The following MED25 variants were observed in gnomAD, a reference collection of about 807,000 sequenced individuals.
MED25 encodes the protein mediator complex subunit 25, also known as mediator of RNA polymerase II transcription subunit 25.
MED25 carries 62 observed loss-of-function variants against 89.4 expected under a neutral mutation model. The ratio of observed to expected loss-of-function variants is 0.69; its 90% CI spans 0.57 to 0.86. The LOEUF (loss-of-function observed/expected upper bound fraction) is 0.86. MED25 is among the 40% of genes least tolerant of loss of function. MED25 has a pLI of 0.00. For synonymous variants in MED25, 449 were observed against 427.9 expected, an observed-to-expected ratio of 1.05 and a Z score of -0.61; for missense variants, 905 against 1,005.2, an observed-to-expected ratio of 0.90 and a Z score of 1.35.
At chr19:49,825,953 G>A (rs1910593811) in intron 3 of MED25, among the ~76,000 whole-genome samples, 1 of 152,068 alleles carries the variant, frequency 6.6e-6, no homozygotes, top group Non-Finnish European at 1.5e-5. Flanking sequence ...AAAGGCCCAG[G>A]AAAATATTGG....
Position 49,831,280 on chromosome 19 carries a change from G to C in MED25, c.1102-53G>C. 6.3e-7 allele frequency: 1 copy of C among 1,584,422 alleles called. No individual in the cohort carries two copies. Among genetic ancestry groups the C allele is most frequent in the Non-Finnish European group, 8.6e-7 (1 of 1,167,154 alleles). ...GGTTTGCCCTCACAGGATGGCCCCC[G>C]GAGGCTCCCGGCCTTCCCCATTCTC... On this transcript the variant is annotated intron_variant, in intron 9 of 17. Transcript: ENST00000312865. This position sits in a 1 kb window ranked among gnomAD's most constrained non-coding sequence, Gnocchi z 5.0.
chr19:49,839,012 G>A (rs753295073), downstream of MED25: 17 of 337,724 alleles, frequency 5.0e-5, no homozygotes, highest in Non-Finnish European at 9.9e-5. Context: ...ACGGGCATTT[G>A]CGTTGCACAG....
intron 3 of MED25, among the ~76,000 whole-genome samples, chr19:49,823,512 G>C (rs2073997051): frequency 6.6e-6 from 1 of 151,708 alleles, no homozygotes; most frequent in African/African-American, 2.4e-5. Flanking sequence ...TTTGCAAATG[G>C]ATAATGGTCG....
downstream of MED25, chr19:49,838,554 T>C (rs1394448169): frequency 2.2e-6 from 1 of 457,178 alleles, no homozygotes. Context: ...GTGAAATCTT[T>C]CTTGTACCCA....
Position 49,832,433 on chromosome 19 carries a change from G to A in MED25, c.1482+18G>A, listed in dbSNP as rs752948397. On this transcript the variant is annotated intron_variant, in intron 13 of 17. Transcript: ENST00000312865. ...ACGGCTTCGTGAGTCCAGGGCATGG[G>A]GGGCCGAGGGGTGTTGACTCTTGTC... is the stretch of plus-strand genomic sequence containing the variant. 2.9e-6 allele frequency: 4 copies of A among 1,378,932 alleles called. No individual in the cohort carries two copies. The Admixed American group carries it at 5.2e-5, about 18-fold the overall frequency. The allele number at this position is 1,378,932 out of a possible 1,614,324, so 85.4% of individuals were successfully genotyped here. A position where few individuals can be genotyped will look rare whatever the true frequency, so the allele number is the denominator to read the frequency against.
In MED25 at chr19:49,828,549, T is replaced by G; in HGVS notation, c.404+2T>G. 1 of 1,611,046 alleles carries G rather than the reference T, an allele frequency of 6.2e-7. No homozygotes were observed. The highest frequency in any genetic ancestry group is 8.5e-7 in the Non-Finnish European group (1 of 1,177,234). ...CTTCAAGAAGATGCGCGAGCAGATG[T>G]GAGTGCCCCCTCCACCCAGGCCGGG... is the stretch of plus-strand genomic sequence containing the variant. On this transcript the variant is annotated splice_donor_variant, in intron 4 of 17. Coordinates refer to ENST00000312865, the MANE Select transcript of MED25 (RefSeq NM_030973.4). LOFTEE classifies it high-confidence loss of function.
Position 49,830,254 on chromosome 19 carries a change from G to T in MED25, c.819+36G>T, listed in dbSNP as rs1233917186. 3.1e-6 allele frequency: 5 copies of T among 1,600,656 alleles called. No individual in the cohort carries two copies. Among genetic ancestry groups the T allele is most frequent in the Non-Finnish European group, 4.3e-6 (5 of 1,172,976 alleles). On this transcript the variant is annotated intron_variant, in intron 7 of 17. Coordinates refer to ENST00000312865, the MANE Select transcript of MED25 (RefSeq NM_030973.4). The surrounding 1 kb of genome is among the most constrained non-coding windows in gnomAD (Gnocchi z 4.6). ...TTCCGGGAAGGGACATGCTTCTGGG[G>T]ACTTGCTGGAGCCCTGGCCCCTGGG...
At chr19:49,827,267 G>A (rs1030030365) in intron 3 of MED25, among the ~76,000 whole-genome samples, 1 of 152,204 alleles carries the variant, frequency 6.6e-6, no homozygotes, top group Non-Finnish European at 1.5e-5. Flanking sequence ...CATGTGGGAC[G>A]GATGCTGCGA....
chr19:49,822,640 C>CT (rs536060694), intron 3 of MED25, among the ~76,000 whole-genome samples: 2,492 of 68,254 alleles, frequency 0.037, 118 homozygotes, highest in East Asian at 0.14. Context: ...CTGTTACATT[C>CT]TTTTTTTTTT....
chr19:49,826,654 C>T (rs2074017763), intron 3 of MED25, among the ~76,000 whole-genome samples: 1 of 152,206 alleles, frequency 6.6e-6, no homozygotes, highest in African/African-American at 2.4e-5. Context: ...AGAAGCTTGA[C>T]AGCTGCAGTA....
chr19:49,840,360 T>C (rs1172066070), downstream of MED25: 1 of 152,214 alleles, frequency 6.6e-6, no homozygotes, highest in Non-Finnish European at 1.5e-5. Context: ...TCACCATAGT[T>C]GAGTAAAGAT....
chr19:49,821,865 A>G (rs2123866370), intron 3 of MED25, among the ~76,000 whole-genome samples: 1 of 149,754 alleles, frequency 6.7e-6, no homozygotes, highest in East Asian at 2.0e-4. Flanking sequence ...ACGGTGGCTC[A>G]TCCCTGTAAT....
rs373971747 is a variant in MED25 at position 49,830,728 on chromosome 19, C to T, written c.942C>T (p.Pro314=). The T allele has an allele frequency of 6.3e-5, 101 of 1,613,836 alleles. No individual in the cohort carries two copies. Among genetic ancestry groups the T allele is most frequent in the African/African-American group, 2.1e-4 (16 of 74,884 alleles). ...SPITPLQQAA[P]GVGPPFSQAP... Reference sequence around the variant, plus strand: ...TCACCCCTCTCCAACAAGCTGCTCCCGGAGTGGGTCCCCCCTTCAGCCAGG... The same window carrying T: ...TCACCCCTCTCCAACAAGCTGCTCCTGGAGTGGGTCCCCCCTTCAGCCAGG... The change falls in exon 9 of 18, where the codon CCC becomes CCT. Residue 314 remains proline (P), a synonymous_variant. Transcript: ENST00000312865. This position sits in a 1 kb window ranked among gnomAD's most constrained non-coding sequence, Gnocchi z 4.6.
chr19:49,819,072 C>T (rs2073962582), intron 2 of MED25, 100 bp from the exon 3 acceptor site: 1 of 1,453,052 alleles, frequency 6.9e-7, no homozygotes, highest in Non-Finnish European at 9.5e-7. Context: ...TGAGGAGTTC[C>T]TGGTTCTGGA....
intron 3 of MED25, among the ~76,000 whole-genome samples, chr19:49,822,715 T>C (rs1235772731): frequency 1.4e-5 from 2 of 139,082 alleles, no homozygotes; most frequent in Non-Finnish European, 3.1e-5. Context: ...TGGTGCGATC[T>C]CAGCTCACTG....
chr19:49,829,219 TAAGCGGG>T lies in MED25; in HGVS notation c.525+130_525+136del. On this transcript the variant is annotated intron_variant, in intron 5 of 17. Transcript: ENST00000312865. This position sits in a 1 kb window ranked among gnomAD's most constrained non-coding sequence, Gnocchi z 4.6. Reference sequence around the variant, plus strand: ...CACTGGGGGCCTGGACTCTTGGGTCTAAGCGGGGAGGCACTGGGGGCCTGGACTCAGA... The same window carrying T: ...CACTGGGGGCCTGGACTCTTGGGTCTGAGGCACTGGGGGCCTGGACTCAGA... The T allele has an allele frequency of 8.7e-6, 7 of 804,136 alleles. No individual in the cohort carries two copies. The highest frequency in any genetic ancestry group is 1.4e-5 in the Non-Finnish European group (7 of 483,670). The allele number at this position is 804,136 out of a possible 1,614,324, so 49.8% of individuals were successfully genotyped here. A position where few individuals can be genotyped will look rare whatever the true frequency, so the allele number is the denominator to read the frequency against.
chr19:49,826,366 G>C (rs2074015540), intron 3 of MED25, among the ~76,000 whole-genome samples: 1 of 152,204 alleles, frequency 6.6e-6, no homozygotes, highest in Non-Finnish European at 1.5e-5. Flanking sequence ...TTGATGGCTA[G>C]GAAGAGGAGG....
chr19:49,838,390 C>G, downstream of MED25: 1 of 358,768 alleles, frequency 2.8e-6, no homozygotes, highest in Non-Finnish European at 5.5e-6. Context: ...TGCCTGGCAA[C>G]AATGGGCTGG....
chr19:49,830,502 T>C lies in MED25; in HGVS notation c.820-9T>C. 1 of 1,613,748 alleles carries C rather than the reference T, an allele frequency of 6.2e-7. No homozygotes were observed. The highest frequency in any genetic ancestry group is 8.5e-7 in the Non-Finnish European group (1 of 1,179,682). On this transcript the variant is annotated splice_polypyrimidine_tract_variant and intron_variant, in intron 7 of 17. Coordinates refer to ENST00000312865, the MANE Select transcript of MED25 (RefSeq NM_030973.4). The surrounding 1 kb of genome is among the most constrained non-coding windows in gnomAD (Gnocchi z 4.6). The stretch of plus-strand genomic sequence containing the variant: ...ACCAGTCCCTTCCCTTCTTCCCTTC[T>C]ACCCACAGGTTCCCGGGAACCTGAG...
Sources: allele counts gnomAD v4.1 joint callset (sites outside exome capture counted in the v4.1 genomes callset), GRCh38; gene constraint gnomAD v4.1.1; non-coding constraint Gnocchi (gnomAD v3.1); transcripts MANE v1.5; gene names NCBI Gene and HGNC (gene_info 2026-07-23, HGNC 2026-07-21).